The following EML6 variants were observed in gnomAD, a reference collection of about 807,000 sequenced individuals.
The protein encoded by EML6 is echinoderm microtubule-associated protein-like 6.
In EML6, 154 loss-of-function variants were observed where a neutral mutation model predicts 240.1. That is an observed-to-expected ratio of 0.64 (90% CI 0.56 to 0.73). EML6 has a LOEUF of 0.73. Ranked by LOEUF, EML6 falls within the 30% of genes least tolerant of loss-of-function variation. The probability of loss-of-function intolerance (pLI) is 0.00; values close to 1 mark genes in which losing one functional copy is unlikely to be tolerated. For missense variants in EML6, 2,964 were observed against 2,474.6 expected, an observed-to-expected ratio of 1.20 and a Z score of -4.20; for synonymous variants, 1,148 against 899.0, an observed-to-expected ratio of 1.28 and a Z score of -4.95.
In EML6 at chr2:54,896,369, C is replaced by G. The variant is rs917076946; in HGVS notation, c.2982+969C>G. Among the ~76,000 whole-genome samples the G allele has an allele frequency of 1.7e-4, 26 of 152,166 alleles. 1 individual carries two copies. Among genetic ancestry groups the G allele is most frequent in the African/African-American group, 6.3e-4 (26 of 41,426 alleles). On this transcript the variant is annotated intron_variant, in intron 21 of 41. Transcript: ENST00000356458. ...TAGTCTCAGCCTTGGTCCACATAAG[C>G]AAATTGCATCCTCCTTAGTCCCTGT...
intron 17 of EML6, among the ~76,000 whole-genome samples, chr2:54,890,661 ACT>A (rs935227973): frequency 2.6e-5 from 4 of 151,896 alleles, no homozygotes; most frequent in African/African-American, 7.3e-5. Context: ...TTTCGTTAAT[ACT>A]CTCTTTCCTC....
At chr2:54,779,054 C>A (rs1172124944) in intron 2 of EML6, among the ~76,000 whole-genome samples, 1 of 152,126 alleles carries the variant, frequency 6.6e-6, no homozygotes, top group African/African-American at 2.4e-5. Context: ...AATTTGATTT[C>A]TTTAACTGTA....
At chr2:54,867,067 C>T in intron 14 of EML6, 183 bp downstream of exon 14, 2 of 450,778 alleles carry the variant, frequency 4.4e-6, no homozygotes, top group Non-Finnish European at 8.2e-6. Context: ...TATCCACTTC[C>T]CTCGTTGATG....
intron 4 of EML6, among the ~76,000 whole-genome samples, chr2:54,818,558 C>G (rs1668183033): frequency 6.6e-6 from 1 of 152,196 alleles, no homozygotes; most frequent in African/African-American, 2.4e-5. Context: ...CTCTCTGAAC[C>G]TCTTCTGGTT....
chr2:54,957,279 A>T (rs1288374990), intron 32 of EML6, among the ~76,000 whole-genome samples: 3 of 151,952 alleles, frequency 2.0e-5, no homozygotes, highest in Non-Finnish European at 4.4e-5. Context: ...CTTAAAAGGT[A>T]AAAAAATTTA....
intron 7 of EML6, among the ~76,000 whole-genome samples, 156 bp from the exon 8 acceptor site, chr2:54,843,891 C>G (rs1056024487): frequency 6.8e-6 from 1 of 147,784 alleles, no homozygotes; most frequent in Non-Finnish European, 1.5e-5. Flanking sequence ...AGAGTTGATT[C>G]TCTGCCTCCA....
rs765630114 is a variant in EML6, at chr2:54,948,947, A to C, written c.4070A>C (p.Lys1357Thr). Residue 1357 changes from lysine to threonine, a missense_variant, in exon 29 of 42, where the codon AAG becomes ACG. Physicochemically the swap from Lys to Thr is moderately conservative, Grantham distance 78. Coordinates refer to ENST00000356458, the MANE Select transcript of EML6 (RefSeq NM_001039753.4). Reference protein sequence around the residue: ...KLQKNNITKKKKLVEELALDH... With the variant: ...KLQKNNITKKTKLVEELALDH... ...CAGAAGAACAATATCACCAAAAAAA[A>C]GAAACTGGTTGAGGTGAGTTAAACA... 13 of 1,550,662 alleles carry C rather than the reference A, an allele frequency of 8.4e-6. No homozygotes were observed. Among genetic ancestry groups the C allele is most frequent in the Non-Finnish European group, 1.1e-5 (13 of 1,146,262 alleles).
intron 7 of EML6, among the ~76,000 whole-genome samples, chr2:54,843,503 A>C (rs1293169759): frequency 6.6e-6 from 1 of 152,168 alleles, no homozygotes; most frequent in Non-Finnish European, 1.5e-5. Context: ...ACTCTTTTGC[A>C]AACTAGATTA....
chr2:54,774,563 T>C lies in EML6; in HGVS notation c.198-38669T>C, dbSNP rs893083226. On this transcript the variant is annotated intron_variant, in intron 2 of 41. Transcript: ENST00000356458. The surrounding 1 kb of genome is among the most constrained non-coding windows in gnomAD (Gnocchi z 4.1). ...GGAAGAGCTAGCATCTCTGCTACAC[T>C]ACATCATAGGGTGGTTGTAAGGATC... Among the ~76,000 whole-genome samples the C allele has an allele frequency of 6.6e-6, 1 of 152,222 alleles. No individual in the cohort carries two copies. Among genetic ancestry groups the C allele is most frequent in the African/African-American group, 2.4e-5 (1 of 41,456 alleles).
intron 17 of EML6, among the ~76,000 whole-genome samples, chr2:54,885,714 C>A (rs1265076842): frequency 6.6e-6 from 1 of 151,936 alleles, no homozygotes; most frequent in African/African-American, 2.4e-5. Context: ...CAGGTTCACG[C>A]CATTCTCTTG....
intron 2 of EML6, among the ~76,000 whole-genome samples, chr2:54,799,363 T>C (rs935478751): frequency 3.3e-5 from 5 of 151,422 alleles, no homozygotes; most frequent in African/African-American, 9.7e-5. Flanking sequence ...GCCCAGCCTT[T>C]ATTACTATTT....
At chr2:54,804,553 C>T (rs1670367209) in intron 2 of EML6, among the ~76,000 whole-genome samples, 1 of 152,196 alleles carries the variant, frequency 6.6e-6, no homozygotes, top group African/African-American at 2.4e-5. Flanking sequence ...CATCAGACAA[C>T]CCTGCCCACT....
At chr2:54,809,762 C>G (rs1366870759) in intron 2 of EML6, among the ~76,000 whole-genome samples, 1 of 152,164 alleles carries the variant, frequency 6.6e-6, no homozygotes, top group Non-Finnish European at 1.5e-5. Context: ...TCTTGCAAAT[C>G]TAGTGAGTAA....
rs1676927253 is a variant in EML6 at position 54,970,149 on chromosome 2, A to G, written c.*54A>G. On this transcript the variant is annotated 3_prime_UTR_variant, in exon 42 of 42. Coordinates refer to ENST00000356458, the MANE Select transcript of EML6 (RefSeq NM_001039753.4). ...GCTGCTGCTACCAGCCAGCAACTGC[A>G]GAGGCCATGCTGAGGTGCCTCCTTG... The G allele has an allele frequency of 1.9e-6, 3 of 1,540,390 alleles. No homozygotes were observed. The highest frequency in any genetic ancestry group is 2.6e-6 in the Non-Finnish European group (3 of 1,136,910).
intron 2 of EML6, among the ~76,000 whole-genome samples, chr2:54,801,889 C>T (rs1451311991): frequency 6.6e-6 from 1 of 152,194 alleles, no homozygotes; most frequent in Non-Finnish European, 1.5e-5. Context: ...ATAACGATTT[C>T]TTGAACTACT....
At chr2:54,836,573 G>A (rs550653979) in intron 7 of EML6, among the ~76,000 whole-genome samples, 68 of 152,272 alleles carry the variant, frequency 4.5e-4, no homozygotes, top group Middle Eastern at 6.8e-3. Flanking sequence ...GGTCAGTGCT[G>A]AATGCCCACT....
intron 10 of EML6, 30 bp from the exon 11 acceptor site, chr2:54,853,613 A>T: frequency 7.8e-7 from 1 of 1,283,762 alleles, no homozygotes; most frequent in Non-Finnish European, 1.1e-6. Context: ...CTTTTTATTT[A>T]AATGTAATGT....
At position 54,928,666 on chromosome 2, in the gene EML6, A is replaced by C. The variant is rs1358392906; in HGVS notation, c.3919A>C (p.Thr1307Pro). The C allele has an allele frequency of 1.9e-6, 3 of 1,551,930 alleles. No individual in the cohort carries two copies. Among genetic ancestry groups the C allele is most frequent in the African/African-American group, 2.7e-5 (2 of 73,016 alleles). ...TGCTAGAGAAAAGGCCATTGACTAC[A>C]CCACCAAGATTTATGCTGTGAGCAT... ...DVAREKAIDY[T>P]TKIYAVSIRE... Residue 1307 changes from threonine (T) to proline (P), a missense_variant, in exon 28 of 42, where the codon ACC becomes CCC. Thr to Pro is a conservative substitution (Grantham distance 38). Transcript: ENST00000356458.
chr2:54,904,472 C>A (rs527280694), intron 24 of EML6, among the ~76,000 whole-genome samples: 2 of 152,194 alleles, frequency 1.3e-5, no homozygotes, highest in Middle Eastern at 6.8e-3. Context: ...ATCCATGGAG[C>A]CTCTGTAGAA....
Sources: allele counts gnomAD v4.1 joint callset (sites outside exome capture counted in the v4.1 genomes callset), GRCh38; gene constraint gnomAD v4.1.1; non-coding constraint Gnocchi (gnomAD v3.1); transcripts MANE v1.5; gene names NCBI Gene and HGNC (gene_info 2026-07-23, HGNC 2026-07-21).